TINAG: variants seen among roughly 807,000 people sequenced by gnomAD.
The protein encoded by TINAG is tubulointerstitial nephritis antigen.
A neutral mutation model predicts 72.7 loss-of-function variants in TINAG; 83 were observed. The ratio of observed to expected loss-of-function variants is 1.14; its 90% CI spans 0.96 to 1.37. The LOEUF (loss-of-function observed/expected upper bound fraction) is 1.37, where lower values mean the gene tolerates loss of function less well. Ranked by LOEUF, TINAG falls within the 40% of genes most tolerant of loss-of-function variation. The pLI, the probability that TINAG is intolerant of heterozygous loss-of-function variation, is 0.00. For synonymous variants in TINAG, 234 were observed against 189.9 expected (o/e 1.23, Z -1.91); for missense variants, 685 against 576.6 (o/e 1.19, Z -1.93).
chr6:54,312,693 T>TTTA (rs1296524373), intron 1 of TINAG, among the ~76,000 whole-genome samples: 2 of 152,172 alleles, frequency 1.3e-5, no homozygotes, highest in African/African-American at 2.4e-5. Flanking sequence ...AAAATAGCAT[T>TTTA]AATATGAATC....
At chr6:54,381,169 G>A (rs1422987383) in intron 10 of TINAG, among the ~76,000 whole-genome samples, 10 of 145,580 alleles carry the variant, frequency 6.9e-5, no homozygotes, top group Non-Finnish European at 4.5e-5. Context: ...ATAGGTTAAG[G>A]CTTTTTTTTT....
intron 1 of TINAG, among the ~76,000 whole-genome samples, chr6:54,310,133 A>C (rs966736440): frequency 3.7e-5 from 5 of 135,576 alleles, no homozygotes; most frequent in Admixed American, 2.4e-4. Flanking sequence ...CCCAGACTGG[A>C]GTGCAGTGGC....
chr6:54,318,829 C>T (rs1784428762), intron 1 of TINAG, among the ~76,000 whole-genome samples: 1 of 152,080 alleles, frequency 6.6e-6, no homozygotes, highest in African/African-American at 2.4e-5. Flanking sequence ...GTGTCAACAC[C>T]TTGACCGGGG....
chr6:54,369,575 A>G (rs1175076314), intron 9 of TINAG, among the ~76,000 whole-genome samples: 1 of 151,958 alleles, frequency 6.6e-6, no homozygotes, highest in Non-Finnish European at 1.5e-5. Context: ...GTTTAGGAAT[A>G]TTTTTGGCTG....
At chr6:54,319,675 C>T (rs1225852692) in intron 1 of TINAG, among the ~76,000 whole-genome samples, 1 of 151,974 alleles carries the variant, frequency 6.6e-6, no homozygotes, top group Non-Finnish European at 1.5e-5. Context: ...TAAACAAGGT[C>T]CCTTAGAATG....
chr6:54,376,236 C>T (rs1261099246), intron 9 of TINAG, among the ~76,000 whole-genome samples: 4 of 152,156 alleles, frequency 2.6e-5, no homozygotes, highest in Non-Finnish European at 5.9e-5. Context: ...GTGACACTTA[C>T]AGAATTCTAT....
At chr6:54,309,670 T>C (rs1784194111) in intron 1 of TINAG, among the ~76,000 whole-genome samples, 1 of 152,138 alleles carries the variant, frequency 6.6e-6, no homozygotes, top group Admixed American at 6.6e-5. Context: ...TCTCTCATTG[T>C]ATTAAATCTC....
Position 54,388,657 on chromosome 6 carries a change from TTC to T in TINAG, c.1297-1132_1297-1131del, listed in dbSNP as rs138008055. ...GCATTTAGTTGTGGAACTAACTCCC[TTC>T]TGTGTGTCCTTTGGCCTTCATGATA... is the stretch of plus-strand genomic sequence containing the variant. On this transcript the variant is annotated intron_variant, in intron 10 of 10. Coordinates refer to ENST00000259782, the MANE Select transcript of TINAG (RefSeq NM_014464.4). Among the ~76,000 whole-genome samples, 1,162 of 152,210 alleles carry T rather than the reference TTC, an allele frequency of 7.6e-3. 14 individuals carry two copies. Among genetic ancestry groups the T allele is most frequent in the African/African-American group, 0.025 (1,046 of 41,538 alleles).
chr6:54,337,246 A>ATTTTT (rs34286210), intron 4 of TINAG, among the ~76,000 whole-genome samples: 35 of 94,074 alleles, frequency 3.7e-4, no homozygotes, highest in East Asian at 3.3e-3. Flanking sequence ...TGGGATTTGA[A>ATTTTT]TTTTTTTTTT....
At chr6:54,308,156 A>T (rs774155597), upstream of TINAG, 1 of 1,538,990 alleles carries the variant, frequency 6.5e-7, no homozygotes, top group Non-Finnish European at 8.8e-7. Flanking sequence ...GCCAGTGGTT[A>T]TTACAGCCAT....
At chr6:54,384,734 A>C (rs1041592524) in intron 10 of TINAG, among the ~76,000 whole-genome samples, 1 of 152,190 alleles carries the variant, frequency 6.6e-6, no homozygotes, top group Non-Finnish European at 1.5e-5. Context: ...AGTTACAGAA[A>C]AAAAGTAGGC....
At chr6:54,373,765 A>T (rs188152034) in intron 9 of TINAG, among the ~76,000 whole-genome samples, 120 of 152,198 alleles carry the variant, frequency 7.9e-4, no homozygotes, top group African/African-American at 2.8e-3. Flanking sequence ...GCCAACCCTT[A>T]TAGTATGCTA....
intron 10 of TINAG, among the ~76,000 whole-genome samples, chr6:54,385,875 CAT>C (rs1475888685): frequency 8.0e-6 from 1 of 125,166 alleles, no homozygotes; most frequent in Non-Finnish European, 1.6e-5. Flanking sequence ...GAAAAAAAAA[CAT>C]GATTTTTTTT....
At chr6:54,366,662 G>A (rs1201417050) in intron 9 of TINAG, among the ~76,000 whole-genome samples, 1 of 149,224 alleles carries the variant, frequency 6.7e-6, no homozygotes, top group African/African-American at 2.5e-5. Flanking sequence ...TGTGTAGATG[G>A]AGATAGGATA....
intron 9 of TINAG, among the ~76,000 whole-genome samples, chr6:54,367,952 C>T (rs1260946596): frequency 6.6e-6 from 1 of 151,588 alleles, no homozygotes; most frequent in African/African-American, 2.4e-5. Context: ...TTTATAGGGG[C>T]TAATCCTATT....
chr6:54,311,455 T>TG (rs1784256195), intron 1 of TINAG, among the ~76,000 whole-genome samples: 1 of 152,192 alleles, frequency 6.6e-6, no homozygotes, highest in Non-Finnish European at 1.5e-5. Flanking sequence ...ATCTAAGTCT[T>TG]GCCAGATGGC....
At chr6:54,379,701 A>G (rs532435028) in intron 9 of TINAG, among the ~76,000 whole-genome samples, 1 of 152,220 alleles carries the variant, frequency 6.6e-6, no homozygotes, top group East Asian at 1.9e-4. Flanking sequence ...TAAAGAGGAT[A>G]AGTATTTTAA....
At chr6:54,312,157 C>G (rs1784274359) in intron 1 of TINAG, among the ~76,000 whole-genome samples, 1 of 151,952 alleles carries the variant, frequency 6.6e-6, no homozygotes. Context: ...TCCCCGGGCT[C>G]AAGTGATTCT....
In TINAG at chr6:54,308,494, C is replaced by A; in HGVS notation, c.-57C>A. The A allele has an allele frequency of 6.9e-7, 1 of 1,455,924 alleles. No individual in the cohort carries two copies. Among genetic ancestry groups the A allele is most frequent in the Non-Finnish European group, 9.3e-7 (1 of 1,076,994 alleles). 90.2% of individuals were successfully genotyped at this position (1,455,924 alleles called of 1,614,324 possible). ...AATTCAGGTTCCAAGGAGAAGCCCACAAGGCTAAGGGTATTGGATATAACG... is the reference window on the plus strand; with the variant it reads ...AATTCAGGTTCCAAGGAGAAGCCCAAAAGGCTAAGGGTATTGGATATAACG... On this transcript the variant is annotated 5_prime_UTR_variant, in exon 1 of 11. Transcript: ENST00000259782.
Sources: allele counts gnomAD v4.1 joint callset (sites outside exome capture counted in the v4.1 genomes callset), GRCh38; gene constraint gnomAD v4.1.1; transcripts MANE v1.5; gene names NCBI Gene and HGNC (gene_info 2026-07-23, HGNC 2026-07-21).